Variants in CNOT2 observed in about 807,000 individuals in gnomAD.
CNOT2 encodes the protein CCR4-NOT transcription complex subunit 2, also known as CC chemokine receptor 4-negative regulator of transcription 2.
In CNOT2, 7 loss-of-function variants were observed where a neutral mutation model predicts 72.1. The observed-to-expected ratio is 0.10, with a 90% CI of 0.06 to 0.18. CNOT2 has a LOEUF of 0.18. Among genes scored for constraint, CNOT2 ranks in the 10% least tolerant of loss-of-function variants. The pLI is 1.00. For synonymous variants in CNOT2, 196 were observed against 225.6 expected, an observed-to-expected ratio of 0.87 and a Z score of 1.17; for missense variants, 345 against 660.3, an observed-to-expected ratio of 0.52 and a Z score of 5.23.
chr12:70,300,619 G>A (rs1178655511), intron 2 of CNOT2, among the ~76,000 whole-genome samples: 1 of 152,166 alleles, frequency 6.6e-6, no homozygotes, highest in Non-Finnish European at 1.5e-5. Context: ...TTTGGTTACT[G>A]TAGCCTTGTA....
At chr12:70,333,507 C>T (rs1880254892) in intron 7 of CNOT2, among the ~76,000 whole-genome samples, 1 of 151,856 alleles carries the variant, frequency 6.6e-6, no homozygotes, top group Non-Finnish European at 1.5e-5. Flanking sequence ...CCTACAGACC[C>T]TTTCCTGAGA....
chr12:70,312,996 A>G (rs1453554652), intron 3 of CNOT2, among the ~76,000 whole-genome samples: 1 of 152,008 alleles, frequency 6.6e-6, no homozygotes, highest in East Asian at 1.9e-4. Context: ...GGTCATACAG[A>G]CATATTTTCC....
At chr12:70,299,478 G>T (rs1427935647) in intron 2 of CNOT2, among the ~76,000 whole-genome samples, 2 of 149,464 alleles carry the variant, frequency 1.3e-5, no homozygotes, top group African/African-American at 4.9e-5. Context: ...GCGGTGTTTG[G>T]TTTTTTGTCC....
Position 70,284,992 on chromosome 12 carries a change from TCGCTCTGGTGTTCC to T in CNOT2, c.48+6719_48+6732del, listed in dbSNP as rs570987780. On this transcript the variant is annotated intron_variant, in intron 2 of 15. Transcript: ENST00000229195. ...AATATCTAGTAGCACCCCTGTGTGT[TCGCTCTGGTGTTCC>T]TTTTGGCAACGTATGACGTAGACTT... is the stretch of plus-strand genomic sequence containing the variant. Among the ~76,000 whole-genome samples the T allele has an allele frequency of 1.1e-3, 167 of 152,346 alleles. No homozygotes were observed. In the East Asian group the frequency reaches 0.02, roughly 19 times the overall value.
At chr12:70,278,687 G>A (rs1399066017) in intron 2 of CNOT2, among the ~76,000 whole-genome samples, 2 of 152,142 alleles carry the variant, frequency 1.3e-5, no homozygotes, top group African/African-American at 4.8e-5. Context: ...ACAAAATTGA[G>A]TAGAGTATAG....
chr12:70,303,957 C>T (rs1224383615), intron 2 of CNOT2, among the ~76,000 whole-genome samples: 1 of 152,176 alleles, frequency 6.6e-6, no homozygotes, highest in Non-Finnish European at 1.5e-5. Flanking sequence ...TCATTCATTT[C>T]GTCTTCCATC....
At chr12:70,309,361 A>G (rs1178120438) in intron 2 of CNOT2, among the ~76,000 whole-genome samples, 6 of 152,228 alleles carry the variant, frequency 3.9e-5, no homozygotes, top group African/African-American at 1.4e-4. Flanking sequence ...CTTTATTTAT[A>G]CCTGACTGAA....
At chr12:70,284,471 C>G (rs992386863) in intron 2 of CNOT2, among the ~76,000 whole-genome samples, 1 of 152,054 alleles carries the variant, frequency 6.6e-6, no homozygotes, top group Admixed American at 6.6e-5. Flanking sequence ...GTCTCAAACT[C>G]CTGACCTCAG....
At chr12:70,344,486 G>A in intron 14 of CNOT2, 1 of 374,526 alleles carries the variant, frequency 2.7e-6, no homozygotes, top group East Asian at 5.2e-5. Flanking sequence ...CCAGCACTTT[G>A]GTGAGGTGGA....
At chr12:70,317,740 A>G (rs1346908256) in intron 3 of CNOT2, among the ~76,000 whole-genome samples, 2 of 150,502 alleles carry the variant, frequency 1.3e-5, no homozygotes, top group African/African-American at 2.4e-5. Context: ...GTCTAAAACT[A>G]TAGTATAAAA....
At chr12:70,263,467 G>C (rs1275492150) in intron 1 of CNOT2, among the ~76,000 whole-genome samples, 1 of 151,990 alleles carries the variant, frequency 6.6e-6, no homozygotes, top group African/African-American at 2.4e-5. Context: ...TCCTGGTTCA[G>C]ATATGCTTTT....
intron 1 of CNOT2, among the ~76,000 whole-genome samples, chr12:70,249,434 A>G (rs1958032589): frequency 6.6e-6 from 1 of 151,914 alleles, no homozygotes; most frequent in Non-Finnish European, 1.5e-5. Context: ...GTTTATAAAC[A>G]AGCTATTTTG....
At chr12:70,327,232 C>T (rs954023449) in intron 4 of CNOT2, among the ~76,000 whole-genome samples, 2 of 150,702 alleles carry the variant, frequency 1.3e-5, no homozygotes, top group Non-Finnish European at 3.0e-5. Context: ...AAAAGTAGAA[C>T]AAGAAGAAAG....
intron 1 of CNOT2, among the ~76,000 whole-genome samples, chr12:70,271,004 A>G (rs1294363701): frequency 6.6e-6 from 1 of 152,226 alleles, no homozygotes; most frequent in Non-Finnish European, 1.5e-5. Context: ...TTGACTAAAC[A>G]GTATGGAAAA....
At chr12:70,329,776 G>T in intron 5 of CNOT2, 2 of 525,016 alleles carry the variant, frequency 3.8e-6, no homozygotes, top group Non-Finnish European at 6.8e-6. Context: ...CATACTGGTT[G>T]TCAGTGGGGT....
At chr12:70,261,249 G>A (rs1375973222) in intron 1 of CNOT2, among the ~76,000 whole-genome samples, 2 of 143,860 alleles carry the variant, frequency 1.4e-5, no homozygotes, top group Non-Finnish European at 3.1e-5. Context: ...TCCCTATTTT[G>A]CTGTATTTGT....
intron 2 of CNOT2, among the ~76,000 whole-genome samples, chr12:70,283,427 T>C (rs1321265287): frequency 6.6e-6 from 1 of 151,646 alleles, no homozygotes; most frequent in Admixed American, 6.6e-5. Context: ...ACCACTGCAC[T>C]CCAGCCTGTG....
intron 9 of CNOT2, 48 bp downstream of exon 9, chr12:70,337,561 A>G: frequency 6.4e-7 from 1 of 1,574,336 alleles, no homozygotes; most frequent in Non-Finnish European, 8.7e-7. Context: ...TTTTCCCTTC[A>G]GATTTCTCTT....
intron 2 of CNOT2, among the ~76,000 whole-genome samples, chr12:70,301,534 T>G (rs557514297): frequency 0.013 from 2,051 of 152,236 alleles, 46 homozygotes; most frequent in African/African-American, 0.046. Context: ...TTATTGATTT[T>G]CTTATGTTGA....
Sources: gnomAD v4.1 joint callset for allele counts (sites outside exome capture counted in the v4.1 genomes callset) on GRCh38, gnomAD v4.1.1 for gene constraint, MANE v1.5 for transcripts, NCBI Gene and HGNC (gene_info 2026-07-23, HGNC 2026-07-21) for gene names.